The following EPN2 variants were observed in gnomAD, a reference collection of about 807,000 sequenced individuals.
EPN2 encodes epsin-2.
A neutral mutation model predicts 61.7 loss-of-function variants in EPN2; 34 were observed. The observed-to-expected ratio is 0.55, with a 90% CI of 0.42 to 0.73. The LOEUF is 0.73. Among genes scored for constraint, EPN2 ranks in the 30% least tolerant of loss-of-function variants. The pLI, the probability that EPN2 is intolerant of heterozygous loss-of-function variation, is 0.00. For synonymous variants in EPN2, 349 were observed against 353.6 expected (o/e 0.99, Z 0.15); for missense variants, 714 against 839.2 (o/e 0.85, Z 1.84).
At chr17:19,281,488 A>C in intron 1 of EPN2, among the ~76,000 whole-genome samples, 1 of 152,016 alleles carries the variant, frequency 6.6e-6, no homozygotes, top group Non-Finnish European at 1.5e-5. Context: ...TGCTTCTGCC[A>C]CCTTTTGTTT....
chr17:19,287,107 G>A (rs144244934), intron 4 of EPN2, among the ~76,000 whole-genome samples: 4 of 152,186 alleles, frequency 2.6e-5, no homozygotes, highest in East Asian at 1.9e-4. Context: ...TTCCTGGGAC[G>A]TTTGCATGTT....
Position 19,299,452 on chromosome 17 carries a change from A to G in EPN2, c.767-10433A>G, listed in dbSNP as rs1039715422. The stretch of plus-strand genomic sequence containing the variant: ...TTTTCCTTACTGCTGGTCCCCAGCC[A>G]TGATGAGACCCCTGCCCCAGCACTC... On this transcript the variant is annotated intron_variant, in intron 4 of 10. Coordinates refer to ENST00000314728, the MANE Select transcript of EPN2 (RefSeq NM_014964.5). Among the ~76,000 whole-genome samples, 10 of 152,358 alleles carry G rather than the reference A, an allele frequency of 6.6e-5. No individual in the cohort carries two copies. In the East Asian group the frequency reaches 1.9e-3, roughly 29 times the overall value.
At chr17:19,263,157 T>C (rs1049190707) in intron 1 of EPN2, among the ~76,000 whole-genome samples, 28 of 152,362 alleles carry the variant, frequency 1.8e-4, no homozygotes, top group African/African-American at 5.8e-4. Flanking sequence ...TGCCTTTTAC[T>C]GTTCAGCAGA....
intron 1 of EPN2, among the ~76,000 whole-genome samples, chr17:19,249,972 G>A (rs759566954): frequency 1.7e-4 from 26 of 151,898 alleles, no homozygotes; most frequent in Non-Finnish European, 3.2e-4. Context: ...TCTTTCCCAC[G>A]TGGTTTCTCT....
At chr17:19,262,310 C>T (rs2045150351) in intron 1 of EPN2, among the ~76,000 whole-genome samples, 1 of 151,892 alleles carries the variant, frequency 6.6e-6, no homozygotes, top group African/African-American at 2.4e-5. Flanking sequence ...GAAACCCTGT[C>T]TCTACTAAAA....
intron 1 of EPN2, among the ~76,000 whole-genome samples, chr17:19,254,412 A>G (rs990340629): frequency 6.6e-6 from 1 of 151,574 alleles, no homozygotes; most frequent in African/African-American, 2.4e-5. Flanking sequence ...GTGGTGATGC[A>G]TGCTTGTAAT....
At chr17:19,252,391 A>G (rs1172277787) in intron 1 of EPN2, among the ~76,000 whole-genome samples, 2 of 152,216 alleles carry the variant, frequency 1.3e-5, no homozygotes, top group African/African-American at 4.8e-5. Flanking sequence ...ACTTAAAAAC[A>G]AAATGAAACA....
chr17:19,308,849 C>T (rs910737205), intron 4 of EPN2, among the ~76,000 whole-genome samples: 1 of 152,166 alleles, frequency 6.6e-6, no homozygotes, highest in Non-Finnish European at 1.5e-5. Context: ...GTGTAAGCCC[C>T]AGCACCCAGC....
At chr17:19,294,835 G>A (rs1412874513) in intron 4 of EPN2, among the ~76,000 whole-genome samples, 1 of 152,138 alleles carries the variant, frequency 6.6e-6, no homozygotes, top group Non-Finnish European at 1.5e-5. Flanking sequence ...GGGGCTGCTG[G>A]TTCCCTGTCA....
At chr17:19,316,257 T>C (rs1180663778) in intron 7 of EPN2, among the ~76,000 whole-genome samples, 1 of 152,254 alleles carries the variant, frequency 6.6e-6, no homozygotes, top group Non-Finnish European at 1.5e-5. Context: ...ATTTTAAAAA[T>C]TAAGAATATG....
chr17:19,317,313 C>A (rs1906428753), intron 7 of EPN2, among the ~76,000 whole-genome samples: 1 of 152,210 alleles, frequency 6.6e-6, no homozygotes, highest in Admixed American at 6.5e-5. Flanking sequence ...TCCAGACACA[C>A]AAAGCAGCCA....
At chr17:19,315,199 A>C (rs1233062954) in intron 7 of EPN2, among the ~76,000 whole-genome samples, 1 of 152,276 alleles carries the variant, frequency 6.6e-6, no homozygotes, top group Admixed American at 6.5e-5. Context: ...AGTTATGCCC[A>C]GCCCCTCCTT....
At position 19,332,076 on chromosome 17, in the gene EPN2, C is replaced by T. The variant is rs1009535564; in HGVS notation, c.1627+8C>T. The T allele has an allele frequency of 1.9e-6, 3 of 1,600,684 alleles. No homozygotes were observed. Among genetic ancestry groups the T allele is most frequent in the South Asian group, 2.2e-5 (2 of 90,968 alleles). On this transcript the variant is annotated splice_region_variant and intron_variant, in intron 10 of 10. Transcript: ENST00000314728. ...ACCCTTTCCTGGCACCAGGTAGGCT[C>T]TCATCCCAGGCTTCATCCATTGCCT...
intron 6 of EPN2, among the ~76,000 whole-genome samples, chr17:19,312,616 C>T (rs754451): frequency 0.032 from 4,907 of 152,296 alleles, 268 homozygotes; most frequent in African/African-American, 0.11. Context: ...CCACAGGCCC[C>T]GGGGCTCCAT....
intron 1 of EPN2, chr17:19,276,352 T>G (rs1257149230): frequency 4.8e-5 from 7 of 145,376 alleles, no homozygotes; most frequent in South Asian, 2.2e-4. Flanking sequence ...CATGCCCAGC[T>G]AATTAAAATT....
intron 4 of EPN2, among the ~76,000 whole-genome samples, chr17:19,309,112 T>C (rs1372628526): frequency 6.6e-6 from 1 of 151,756 alleles, no homozygotes; most frequent in Non-Finnish European, 1.5e-5. Flanking sequence ...CATGATCTCG[T>C]AGTAACACTA....
chr17:19,282,253 G>T lies in EPN2; in HGVS notation c.-171+176G>T, dbSNP rs568332373. 2.0e-5 allele frequency: 3 copies of T among 152,344 alleles called. No homozygotes were observed. In the South Asian group the frequency reaches 6.2e-4, roughly 32 times the overall value. 9.4% of individuals were successfully genotyped at this position (152,344 alleles called of 1,614,324 possible). On this transcript the variant is annotated intron_variant, in intron 2 of 10. Coordinates refer to ENST00000314728, the MANE Select transcript of EPN2 (RefSeq NM_014964.5). ...GATGCTGGAGGCTTCTGAAAGCCAA[G>T]TGGAGGTCTTTATCCTTTTTCTAGA...
intron 1 of EPN2, among the ~76,000 whole-genome samples, chr17:19,246,177 G>C (rs2152200142): frequency 6.6e-6 from 1 of 151,906 alleles, no homozygotes; most frequent in Non-Finnish European, 1.5e-5. Flanking sequence ...TGGCCAAATG[G>C]TGAAACCCCA....
intron 4 of EPN2, among the ~76,000 whole-genome samples, chr17:19,289,724 G>GTTTTTGTTTTTTTTTT (rs2045442474): frequency 2.6e-5 from 2 of 78,028 alleles, no homozygotes; most frequent in Non-Finnish European, 4.6e-5. Flanking sequence ...GGCGCTCATG[G>GTTTTTGTTTTTTTTTT]TTTTTTTTTT....
Sources: gnomAD v4.1 joint callset for allele counts (sites outside exome capture counted in the v4.1 genomes callset) on GRCh38, gnomAD v4.1.1 for gene constraint, MANE v1.5 for transcripts, NCBI Gene and HGNC (gene_info 2026-07-23, HGNC 2026-07-21) for gene names.